The following TMC1 variants were observed in gnomAD, a reference collection of about 807,000 sequenced individuals.
The protein encoded by TMC1 is transmembrane channel-like protein 1.
Under a neutral mutation model 105.8 loss-of-function variants are expected in TMC1, and 84 were observed. The observed-to-expected ratio is 0.79, with a 90% CI of 0.67 to 0.95. The LOEUF is 0.95. Among genes scored for constraint, TMC1 ranks in the 40% least tolerant of loss-of-function variants. TMC1 has a pLI of 0.00. For synonymous variants in TMC1, 315 were observed against 311.5 expected (o/e 1.01, Z -0.12); for missense variants, 817 against 914.1 (o/e 0.89, Z 1.37).
intron 5 of TMC1, among the ~76,000 whole-genome samples, chr9:72,675,076 TTC>T (rs1303238996): frequency 1.3e-5 from 2 of 152,116 alleles, no homozygotes; most frequent in Non-Finnish European, 2.9e-5. Context: ...ATCTTTAAAA[TTC>T]TCTCTCTCAT....
Position 72,553,025 on chromosome 9 carries a change from G to T in TMC1, c.-427-24877G>T, listed in dbSNP as rs979265189. Among the ~76,000 whole-genome samples, 3 of 152,010 alleles carry T rather than the reference G, an allele frequency of 2.0e-5. No homozygotes were observed. In the South Asian group the frequency reaches 6.2e-4, roughly 32 times the overall value. On this transcript the variant is annotated intron_variant, in intron 1 of 23. Coordinates refer to ENST00000297784, the MANE Select transcript of TMC1 (RefSeq NM_138691.3). ...TTTCCCTCTTGTTGCCCAGGCTGGAGTGCAACGGCATGATCTCGGGTCACA... is the reference window on the plus strand; with the variant it reads ...TTTCCCTCTTGTTGCCCAGGCTGGATTGCAACGGCATGATCTCGGGTCACA...
intron 8 of TMC1, among the ~76,000 whole-genome samples, chr9:72,721,864 C>A (rs563217117): frequency 6.6e-6 from 1 of 152,284 alleles, no homozygotes; most frequent in Admixed American, 6.5e-5. Context: ...GCACTATAGT[C>A]ATGGAGTTCT....
At chr9:72,787,757 T>C (rs1320650454) in intron 13 of TMC1, among the ~76,000 whole-genome samples, 1 of 152,090 alleles carries the variant, frequency 6.6e-6, no homozygotes, top group Admixed American at 6.6e-5. Context: ...ATTCAGGTTG[T>C]ATAAAAATGT....
At chr9:72,628,151 T>A in intron 4 of TMC1, 88 bp downstream of exon 4, 1 of 452,798 alleles carries the variant, frequency 2.2e-6, no homozygotes, top group Non-Finnish European at 4.4e-6. Flanking sequence ...CACGCAGGAT[T>A]GTATGGAATG....
At chr9:72,628,197 C>G (rs1353393874) in intron 4 of TMC1, 134 bp downstream of exon 4, 6 of 366,778 alleles carry the variant, frequency 1.6e-5, no homozygotes, top group Non-Finnish European at 3.4e-5. Flanking sequence ...TTGCTAAATC[C>G]TGGGGGAGAT....
chr9:72,648,734 T>A, intron 5 of TMC1, 70 bp downstream of exon 5: 1 of 1,409,496 alleles, frequency 7.1e-7, no homozygotes. Context: ...ATTTGAAAAC[T>A]TTGGAAAGTT....
intron 5 of TMC1, among the ~76,000 whole-genome samples, chr9:72,652,320 TG>T (rs995982398): frequency 3.9e-5 from 6 of 152,192 alleles, no homozygotes; most frequent in Middle Eastern, 3.2e-3. Context: ...AGGTGGATGT[TG>T]GTGATACTGA....
At position 72,694,552 on chromosome 9, in the gene TMC1, A is replaced by G. The variant is rs1256718391; in HGVS notation, c.74A>G (p.Glu25Gly). Residue 25 changes from glutamate (E) to glycine (G), a missense_variant, in exon 7 of 24, where the codon GAA (glutamate) becomes GGA (glycine). Coordinates refer to ENST00000297784, the MANE Select transcript of TMC1 (RefSeq NM_138691.3). The stretch of plus-strand genomic sequence containing the variant: ...CAAGTGCTATGTTTAGGTGAAGAGG[A>G]AGAGGAGGTGGAAGATAAGCTACCT... ...DETEESSSEEEEEVEDKLPRR... is the reference protein window; with the variant it reads ...DETEESSSEEGEEVEDKLPRR... 1 of 1,612,478 alleles carries G rather than the reference A, an allele frequency of 6.2e-7. No individual in the cohort carries two copies. The highest frequency in any genetic ancestry group is 1.1e-5 in the South Asian group (1 of 90,974).
intron 4 of TMC1, among the ~76,000 whole-genome samples, chr9:72,638,578 G>A (rs1588004695): frequency 1.3e-5 from 2 of 152,308 alleles, no homozygotes; most frequent in Non-Finnish European, 2.9e-5. Flanking sequence ...GCTGGAAAGA[G>A]TCAGTAAAAA....
At chr9:72,570,310 T>C (rs990124775) in intron 1 of TMC1, among the ~76,000 whole-genome samples, 1 of 151,732 alleles carries the variant, frequency 6.6e-6, no homozygotes, top group Non-Finnish European at 1.5e-5. Flanking sequence ...CTTTATCTCC[T>C]TCACTCCTTT....
chr9:72,713,893 T>C (rs1451428861), intron 8 of TMC1, among the ~76,000 whole-genome samples: 2 of 152,162 alleles, frequency 1.3e-5, no homozygotes, highest in Admixed American at 6.6e-5. Flanking sequence ...TTTCTTTCTC[T>C]TGTGGGCTTT....
rs536879440 is a variant in TMC1, at chr9:72,644,328, T to TA, written c.-52-4260dup. Among the ~76,000 whole-genome samples the TA allele has an allele frequency of 3.6e-4, 55 of 151,450 alleles. No individual in the cohort carries two copies. The South Asian group carries it at 6.9e-3, about 19-fold the overall frequency. On this transcript the variant is annotated intron_variant, in intron 4 of 23. Coordinates refer to ENST00000297784, the MANE Select transcript of TMC1 (RefSeq NM_138691.3). ...TGGATTGGACATTTGGTGTTATATC[T>TA]AAAAAAAAATCTGCCTAACCCATAG...
Position 72,582,047 on chromosome 9 carries a change from T to G in TMC1, c.-306+4024T>G, listed in dbSNP as rs1401183102. 7.3e-5 allele frequency among the ~76,000 whole-genome samples: 11 copies of G among 151,564 alleles called. No homozygotes were observed. In the East Asian group the frequency reaches 1.9e-3, roughly 27 times the overall value. On this transcript the variant is annotated intron_variant, in intron 2 of 23. Coordinates refer to ENST00000297784, the MANE Select transcript of TMC1 (RefSeq NM_138691.3). ...ATCTCGGCTCACCGCAACCTCCGCC[T>G]CCTGGGTTCAAGCGATTCTTCTGCT... is the stretch of plus-strand genomic sequence containing the variant.
At chr9:72,532,399 G>C (rs944120468) in intron 1 of TMC1, among the ~76,000 whole-genome samples, 2 of 151,830 alleles carry the variant, frequency 1.3e-5, no homozygotes, top group African/African-American at 4.8e-5. Context: ...AAATTAGCCA[G>C]GTATGGTGGT....
intron 1 of TMC1, among the ~76,000 whole-genome samples, chr9:72,552,457 C>T (rs1823873814): frequency 6.6e-6 from 1 of 152,092 alleles, no homozygotes; most frequent in Non-Finnish European, 1.5e-5. Context: ...TTCTGAGCTG[C>T]TTATTGCCTG....
chr9:72,807,228 G>C (rs940916447), intron 18 of TMC1, among the ~76,000 whole-genome samples: 1 of 152,212 alleles, frequency 6.6e-6, no homozygotes, highest in Admixed American at 6.5e-5. Context: ...GGCTCAGCAT[G>C]AGAGGGAGAC....
intron 15 of TMC1, among the ~76,000 whole-genome samples, chr9:72,789,996 G>C (rs543961114): frequency 6.6e-6 from 1 of 152,282 alleles, no homozygotes; most frequent in African/African-American, 2.4e-5. Flanking sequence ...TTTGCCTTTA[G>C]AGTATCTGCC....
At chr9:72,551,443 T>C (rs968903386) in intron 1 of TMC1, among the ~76,000 whole-genome samples, 1 of 152,178 alleles carries the variant, frequency 6.6e-6, no homozygotes, top group Non-Finnish European at 1.5e-5. Context: ...GTAAGGGCAC[T>C]ATGAGCCCAT....
At chr9:72,598,551 G>A (rs1239746701) in intron 2 of TMC1, among the ~76,000 whole-genome samples, 1 of 151,940 alleles carries the variant, frequency 6.6e-6, no homozygotes, top group Non-Finnish European at 1.5e-5. Flanking sequence ...GGTTGCTGAA[G>A]AATGTAGCAT....
Sources: allele counts gnomAD v4.1 joint callset (sites outside exome capture counted in the v4.1 genomes callset), GRCh38; gene constraint gnomAD v4.1.1; transcripts MANE v1.5; gene names NCBI Gene and HGNC (gene_info 2026-07-23, HGNC 2026-07-21).